The following IQUB variants were observed in gnomAD, a reference collection of about 807,000 sequenced individuals.
IQUB encodes the protein IQ motif and ubiquitin-like domain-containing protein.
Under a neutral mutation model 86.4 loss-of-function variants are expected in IQUB, and 86 were observed. The ratio of observed to expected loss-of-function variants is 1.00; its 90% CI spans 0.84 to 1.19. IQUB has a LOEUF of 1.19. Among genes scored for constraint, IQUB ranks in the 50% most tolerant of loss-of-function variants. The pLI, the probability that IQUB is intolerant of heterozygous loss-of-function variation, is 0.00. For synonymous variants in IQUB, 289 were observed against 304.5 expected, an observed-to-expected ratio of 0.95 and a Z score of 0.53; for missense variants, 946 against 916.9, an observed-to-expected ratio of 1.03 and a Z score of -0.41.
chr7:123,462,861 A>ATTC, intron 10 of IQUB: 2 of 455,044 alleles, frequency 4.4e-6, no homozygotes, highest in Non-Finnish European at 8.9e-6. Context: ...AAAATAACTC[A>ATTC]TTCTTATTAT....
At chr7:123,501,085 T>G (rs572758616) in intron 6 of IQUB, 63 of 152,254 alleles carry the variant, frequency 4.1e-4, no homozygotes, top group African/African-American at 1.4e-3. Flanking sequence ...TTCAAGCCAA[T>G]GGGATGCAAG....
chr7:123,515,614 A>C (rs1467717905), intron 1 of IQUB, among the ~76,000 whole-genome samples: 1 of 152,180 alleles, frequency 6.6e-6, no homozygotes, highest in African/African-American at 2.4e-5. Context: ...GCATCACCCT[A>C]GTCTCAGCCC....
intron 1 of IQUB, among the ~76,000 whole-genome samples, chr7:123,520,701 T>C (rs1161687392): frequency 6.6e-6 from 1 of 151,832 alleles, no homozygotes; most frequent in Non-Finnish European, 1.5e-5. Flanking sequence ...TTGTGGAAGG[T>C]AGGGGAGTGG....
chr7:123,534,334 TA>T (rs1797663777), intron 1 of IQUB, among the ~76,000 whole-genome samples, 157 bp downstream of exon 1: 2 of 152,070 alleles, frequency 1.3e-5, no homozygotes, highest in African/African-American at 2.4e-5. Flanking sequence ...GTTTTTAAAG[TA>T]AAGTCGGAAC....
intron 10 of IQUB, 132 bp downstream of exon 10, chr7:123,464,701 G>A: frequency 3.9e-6 from 2 of 517,092 alleles, no homozygotes; most frequent in Non-Finnish European, 6.8e-6. Flanking sequence ...ATTCAAAGGA[G>A]ATACTACCAA....
chr7:123,462,422 G>A (rs1285344383), intron 10 of IQUB, among the ~76,000 whole-genome samples: 1 of 151,614 alleles, frequency 6.6e-6, no homozygotes, highest in East Asian at 1.9e-4. Context: ...GTTTTACTTT[G>A]TTCTGAATAT....
At chr7:123,525,565 T>G (rs1485603918) in intron 1 of IQUB, among the ~76,000 whole-genome samples, 17 of 152,192 alleles carry the variant, frequency 1.1e-4, no homozygotes, top group Admixed American at 1.1e-3. Flanking sequence ...TATCATTTTT[T>G]ATTGCGTCTA....
At chr7:123,528,399 T>G (rs1481083070) in intron 1 of IQUB, among the ~76,000 whole-genome samples, 2 of 152,266 alleles carry the variant, frequency 1.3e-5, no homozygotes, top group Admixed American at 6.5e-5. Flanking sequence ...CCAAATTATT[T>G]AATTCTCACA....
Position 123,461,485 on chromosome 7 carries a change from T to TA in IQUB, c.1878dup (p.Asn627Ter). The TA allele has an allele frequency of 6.2e-7, 1 of 1,612,564 alleles. No homozygotes were observed. Among genetic ancestry groups the TA allele is most frequent in the South Asian group, 1.1e-5 (1 of 91,032 alleles). The stretch of plus-strand genomic sequence containing the variant: ...GCCTCATTCTGAAGGTTAATGCAGT[T>TA]ACGACACCGGTATATGCGGCGTGAG... On this transcript the variant is annotated frameshift_variant, in exon 11 of 13. Transcript: ENST00000324698. LOFTEE classifies it high-confidence loss of function.
At chr7:123,514,496 T>C (rs948961740) in intron 1 of IQUB, among the ~76,000 whole-genome samples, 1 of 152,150 alleles carries the variant, frequency 6.6e-6, no homozygotes, top group Admixed American at 6.5e-5. Context: ...ATACTGTTAA[T>C]ACAAAATGAT....
intron 3 of IQUB, among the ~76,000 whole-genome samples, chr7:123,505,059 T>G (rs1796116487): frequency 6.6e-6 from 1 of 152,170 alleles, no homozygotes; most frequent in African/African-American, 2.4e-5. Flanking sequence ...CTCATGCAAG[T>G]TCAAAACCCA....
chr7:123,524,480 T>A (rs990824328), intron 1 of IQUB, among the ~76,000 whole-genome samples: 2 of 149,582 alleles, frequency 1.3e-5, no homozygotes, highest in South Asian at 2.1e-4. Flanking sequence ...TGAATGGGAG[T>A]TCACTCATGA....
chr7:123,525,588 CTCTT>C (rs1373503802), intron 1 of IQUB, among the ~76,000 whole-genome samples: 6 of 152,082 alleles, frequency 3.9e-5, no homozygotes, highest in Non-Finnish European at 7.4e-5. Context: ...TGATTCTTCT[CTCTT>C]TTTTTCTTTA....
chr7:123,452,994 G>A (rs1056076460), intron 12 of IQUB, 69 bp from the exon 13 acceptor site: 2 of 1,151,844 alleles, frequency 1.7e-6, no homozygotes, highest in African/African-American at 3.1e-5. Context: ...ATACTGTCAT[G>A]CCTCGGTGCC....
rs776984564 is a variant in IQUB, at chr7:123,509,959, C to G, written c.474G>C (p.Lys158Asn). Residue 158 changes from lysine (K) to asparagine (N), a missense_variant, in exon 3 of 13, where the codon AAG (lysine) becomes AAC (asparagine). Lys to Asn is a moderately conservative substitution (Grantham distance 94). Coordinates refer to ENST00000324698, the MANE Select transcript of IQUB (RefSeq NM_178827.5). ...FKVDTILKYLKDHFSHLLGIP... is the reference protein window; with the variant it reads ...FKVDTILKYLNDHFSHLLGIP... Reference sequence around the variant, plus strand: ...TACCTAATAAGTGTGAAAAATGGTCCTTAAGATATTTAAGAATGGTATCAA... The same window carrying G: ...TACCTAATAAGTGTGAAAAATGGTCGTTAAGATATTTAAGAATGGTATCAA... 1 of 1,607,634 alleles carries G rather than the reference C, an allele frequency of 6.2e-7. No homozygotes were observed. Among genetic ancestry groups the G allele is most frequent in the Non-Finnish European group, 8.5e-7 (1 of 1,175,876 alleles).
At chr7:123,527,639 C>T (rs577971424) in intron 1 of IQUB, among the ~76,000 whole-genome samples, 185 of 152,250 alleles carry the variant, frequency 1.2e-3, no homozygotes, top group Middle Eastern at 0.01. Context: ...GGGTCAGGGG[C>T]CAGGGACCCA....
chr7:123,454,274 A>G (rs1480202633), intron 12 of IQUB, among the ~76,000 whole-genome samples: 1 of 152,146 alleles, frequency 6.6e-6, no homozygotes, highest in Non-Finnish European at 1.5e-5. Context: ...TAGGTTTTCA[A>G]GGTGCCTTTA....
intron 8 of IQUB, among the ~76,000 whole-genome samples, chr7:123,474,048 T>A (rs1047621456): frequency 1.3e-5 from 2 of 152,156 alleles, no homozygotes; most frequent in African/African-American, 4.8e-5. Flanking sequence ...CTGGACAAAT[T>A]TAAGACTGTA....
At chr7:123,486,956 T>C (rs560511243) in intron 7 of IQUB, among the ~76,000 whole-genome samples, 28 of 152,296 alleles carry the variant, frequency 1.8e-4, no homozygotes, top group African/African-American at 6.7e-4. Context: ...ATGAGTGATA[T>C]GGTTTGGCTG....
Sources: gnomAD v4.1 joint callset for allele counts (sites outside exome capture counted in the v4.1 genomes callset) on GRCh38, gnomAD v4.1.1 for gene constraint, MANE v1.5 for transcripts, NCBI Gene and HGNC (gene_info 2026-07-23, HGNC 2026-07-21) for gene names.